PRMT8: variants seen among roughly 807,000 people sequenced by gnomAD.
The protein encoded by PRMT8 is protein arginine methyltransferase 8, also known as protein arginine N-methyltransferase 8.
In PRMT8, 7 loss-of-function variants were observed where a neutral mutation model predicts 47.1. The observed-to-expected ratio is 0.15, with a 90% CI of 0.08 to 0.28. The LOEUF (loss-of-function observed/expected upper bound fraction) is 0.28, where lower values mean the gene tolerates loss of function less well. Among genes scored for constraint, PRMT8 ranks in the 10% least tolerant of loss-of-function variants. The pLI, the probability that PRMT8 is intolerant of heterozygous loss-of-function variation, is 1.00. For missense variants in PRMT8, 237 were observed against 505.4 expected (o/e 0.47, Z 5.09); for synonymous variants, 188 against 186.5 (o/e 1.01, Z -0.07).
At chr12:3,579,134 C>A (rs1867003810) in intron 7 of PRMT8, among the ~76,000 whole-genome samples, 1 of 152,198 alleles carries the variant, frequency 6.6e-6, no homozygotes, top group South Asian at 2.1e-4. Flanking sequence ...GTACAAGGCA[C>A]TTCTGTAAAT....
chr12:3,581,398 A>G (rs1396018461), intron 7 of PRMT8, among the ~76,000 whole-genome samples: 1 of 152,056 alleles, frequency 6.6e-6, no homozygotes, highest in Non-Finnish European at 1.5e-5. Flanking sequence ...AGAAGGACCT[A>G]ATGACTGGAG....
upstream of PRMT8, among the ~76,000 whole-genome samples, chr12:3,491,043 G>C (rs1420089336): frequency 6.6e-6 from 1 of 152,156 alleles, no homozygotes; most frequent in Non-Finnish European, 1.5e-5. Context: ...GCGCCAGGGA[G>C]TGGAGGCGGC....
chr12:3,579,937 G>A (rs1451056747), intron 7 of PRMT8, among the ~76,000 whole-genome samples: 2 of 152,078 alleles, frequency 1.3e-5, no homozygotes, highest in African/African-American at 4.8e-5. Context: ...TCTCAGAGCT[G>A]CTGTTTCTGC....
At chr12:3,488,426 T>C (rs1350026686), upstream of PRMT8, among the ~76,000 whole-genome samples, 1 of 152,068 alleles carries the variant, frequency 6.6e-6, no homozygotes, top group Admixed American at 6.6e-5. Flanking sequence ...CCTGGTAGGG[T>C]CTATTGTTTC....
At chr12:3,498,938 T>C (rs373199685) in intron 1 of PRMT8, among the ~76,000 whole-genome samples, 20 of 152,294 alleles carry the variant, frequency 1.3e-4, no homozygotes, top group African/African-American at 4.8e-4. Flanking sequence ...GGAGAATCTG[T>C]TCCTTGCCTT....
chr12:3,458,877 C>T (rs1865005745), intron 1 of PRMT8, among the ~76,000 whole-genome samples: 1 of 152,208 alleles, frequency 6.6e-6, no homozygotes, highest in African/African-American at 2.4e-5. Flanking sequence ...TTTCCCAAGC[C>T]CCCCACTTCT....
chr12:3,553,534 A>C (rs1349434852), intron 3 of PRMT8, 117 bp from the exon 4 acceptor site: 2 of 850,710 alleles, frequency 2.4e-6, no homozygotes, highest in Non-Finnish European at 3.9e-6. Context: ...GTTGTGATGC[A>C]GCCGTGGGCA....
At chr12:3,490,585 C>A (rs147677925), upstream of PRMT8, among the ~76,000 whole-genome samples, 1,660 of 150,362 alleles carry the variant, frequency 0.011, 37 homozygotes, top group African/African-American at 0.038. Flanking sequence ...TGACTTTCTC[C>A]CACCCTCTTT....
intron 4 of PRMT8, among the ~76,000 whole-genome samples, chr12:3,562,143 A>G (rs1866647797): frequency 6.6e-6 from 1 of 152,196 alleles, no homozygotes; most frequent in African/African-American, 2.4e-5. Context: ...ACCAATAAAC[A>G]TTAGCGGTTG....
At chr12:3,435,298 G>T (rs1270586745) in intron 1 of PRMT8, among the ~76,000 whole-genome samples, 8 of 151,992 alleles carry the variant, frequency 5.3e-5, no homozygotes, top group African/African-American at 1.7e-4. Flanking sequence ...TGCAGAAAGG[G>T]CGTTGAGCTG....
rs571737205 is a variant in PRMT8 at position 3,408,144 on chromosome 12, CCTCT to C, written c.48+26705_48+26708del. On this transcript the variant is annotated intron_variant, in intron 1 of 9. Coordinates refer to the PRMT8 transcript ENST00000452611. ...TCTACTTCCTTTTCCTCTCTCCCTC[CCTCT>C]CTTTCTCTTTCTTTCTTTCTTTCTT... Among the ~76,000 whole-genome samples, 164 of 150,564 alleles carry C rather than the reference CCTCT, an allele frequency of 1.1e-3. 2 individuals carry two copies. The South Asian group carries it at 0.019, about 18-fold the overall frequency.
In PRMT8 at chr12:3,552,274, G is replaced by T; in HGVS notation, c.418-1377G>T. The T allele has an allele frequency of 6.4e-6, 1 of 156,022 alleles. No individual in the cohort carries two copies. The allele number at this position is 156,022 out of a possible 1,614,324, so 9.7% of individuals were successfully genotyped here. A position where few individuals can be genotyped will look rare whatever the true frequency, so the allele number is the denominator to read the frequency against. On this transcript the variant is annotated intron_variant, in intron 3 of 9. Coordinates refer to ENST00000382622, the MANE Select transcript of PRMT8 (RefSeq NM_019854.5). The surrounding 1 kb of genome is among the most constrained non-coding windows in gnomAD (Gnocchi z 4.5). ...GAAGACAGGTGGTAAAGAGAGAAGA[G>T]GGAAGAAATGGAAGAGGAGAAGATG...
chr12:3,389,911 C>T (rs150473524), intron 1 of PRMT8, among the ~76,000 whole-genome samples: 179 of 152,372 alleles, frequency 1.2e-3, no homozygotes, highest in Non-Finnish European at 1.9e-3. Context: ...GAAACATACC[C>T]GATCAGACTC....
At chr12:3,450,727 T>A (rs969440253) in intron 1 of PRMT8, among the ~76,000 whole-genome samples, 3 of 152,260 alleles carry the variant, frequency 2.0e-5, no homozygotes, top group African/African-American at 7.2e-5. Flanking sequence ...TGATATGTTT[T>A]ATGTGAACTT....
At chr12:3,518,697 T>C (rs1865833126) in intron 1 of PRMT8, among the ~76,000 whole-genome samples, 1 of 151,984 alleles carries the variant, frequency 6.6e-6, no homozygotes, top group African/African-American at 2.4e-5. Context: ...AGAAAGCTAA[T>C]AATAATTAAA....
rs868756670 is a variant in PRMT8, at chr12:3,576,944, C to T, written c.786C>T (p.Ile262=). 7.4e-6 allele frequency: 12 copies of T among 1,614,016 alleles called. No homozygotes were observed. The highest frequency in any genetic ancestry group is 1.0e-5 in the Non-Finnish European group (12 of 1,180,004). The change falls in exon 7 of 10, where the codon ATC becomes ATT. Residue 262 remains isoleucine (I), a synonymous_variant. Coordinates refer to ENST00000382622, the MANE Select transcript of PRMT8 (RefSeq NM_019854.5). The surrounding 1 kb of genome is among the most constrained non-coding windows in gnomAD (Gnocchi z 4.0). Reference sequence around the variant, plus strand: ...CCATGAAGGAGCCTCTAGTGGACATCGTGGATCCAAAGCAAGTGGTGACCA... The same window carrying T: ...CCATGAAGGAGCCTCTAGTGGACATTGTGGATCCAAAGCAAGTGGTGACCA... ...DVAMKEPLVD[I]VDPKQVVTNA...
intron 1 of PRMT8, among the ~76,000 whole-genome samples, chr12:3,467,723 A>G (rs1435699346): frequency 1.3e-5 from 2 of 152,228 alleles, no homozygotes; most frequent in African/African-American, 4.8e-5. Context: ...ATTTCTCAGA[A>G]GGCTAGAAAG....
chr12:3,519,186 A>C (rs1212049589), intron 1 of PRMT8, among the ~76,000 whole-genome samples: 2 of 152,112 alleles, frequency 1.3e-5, no homozygotes, highest in Non-Finnish European at 2.9e-5. Context: ...CAGAGAGAGA[A>C]AGAAGAAAAA....
intron 1 of PRMT8, among the ~76,000 whole-genome samples, chr12:3,399,243 C>T (rs1426027369): frequency 1.3e-5 from 2 of 152,178 alleles, no homozygotes; most frequent in African/African-American, 4.8e-5. Context: ...ATCATGAACC[C>T]ACAGGACACA....
Sources: allele counts gnomAD v4.1 joint callset (sites outside exome capture counted in the v4.1 genomes callset), GRCh38; gene constraint gnomAD v4.1.1; non-coding constraint Gnocchi (gnomAD v3.1); transcripts MANE v1.5; gene names NCBI Gene and HGNC (gene_info 2026-07-23, HGNC 2026-07-21).